Variants in CFAP300 observed in about 807,000 individuals in gnomAD.
The protein encoded by CFAP300 is cilia- and flagella-associated protein 300.
In CFAP300, 32 loss-of-function variants were observed where a neutral mutation model predicts 33.0. The observed-to-expected ratio is 0.97, with a 90% CI of 0.73 to 1.30. The LOEUF (loss-of-function observed/expected upper bound fraction) is 1.30. Among genes scored for constraint, CFAP300 ranks in the 50% most tolerant of loss-of-function variants. CFAP300 has a pLI of 0.00. For missense variants in CFAP300, 356 were observed against 318.1 expected (o/e 1.12, Z -0.90); for synonymous variants, 102 against 106.8 (o/e 0.95, Z 0.28).
intron 4 of CFAP300, among the ~76,000 whole-genome samples, chr11:102,072,535 T>C (rs1025317385): frequency 6.6e-6 from 1 of 152,140 alleles, no homozygotes; most frequent in Non-Finnish European, 1.5e-5. Flanking sequence ...ACTCTTGGGC[T>C]CAAGTGATCC....
chr11:102,059,864 G>T (rs922963567), intron 3 of CFAP300, among the ~76,000 whole-genome samples: 1 of 150,264 alleles, frequency 6.7e-6, no homozygotes, highest in African/African-American at 2.4e-5. Context: ...AGGCTGGAGT[G>T]CAGTGGTGCC....
intron 1 of CFAP300, 41 bp from the exon 2 acceptor site, chr11:102,047,774 T>G (rs762733015): frequency 6.2e-7 from 1 of 1,600,918 alleles, no homozygotes; most frequent in Non-Finnish European, 8.5e-7. Flanking sequence ...TCTGAGAGGG[T>G]GCCAGCCCCC....
At chr11:102,063,011 G>A (rs1322794479) in intron 3 of CFAP300, among the ~76,000 whole-genome samples, 4 of 152,250 alleles carry the variant, frequency 2.6e-5, no homozygotes, top group Admixed American at 2.0e-4. Context: ...AGACCCCGAA[G>A]CAATTCAGAG....
chr11:102,076,984 T>C (rs1054073462), intron 5 of CFAP300, among the ~76,000 whole-genome samples: 1 of 152,204 alleles, frequency 6.6e-6, no homozygotes, highest in African/African-American at 2.4e-5. Context: ...CACATACCTA[T>C]TAATATATCA....
chr11:102,061,854 CTG>C (rs751399563), intron 3 of CFAP300, among the ~76,000 whole-genome samples: 2 of 152,170 alleles, frequency 1.3e-5, no homozygotes, highest in Admixed American at 6.6e-5. Flanking sequence ...TAGGGAAAAA[CTG>C]TGTTCTTTCT....
chr11:102,064,774 T>C (rs1212120796), intron 3 of CFAP300, among the ~76,000 whole-genome samples: 2 of 152,142 alleles, frequency 1.3e-5, no homozygotes, highest in African/African-American at 4.8e-5. Flanking sequence ...AGTGTGTGTA[T>C]ATGTGTCTAC....
intron 5 of CFAP300, 30 bp from the exon 6 acceptor site, chr11:102,081,185 G>T: frequency 1.9e-6 from 3 of 1,554,534 alleles, no homozygotes; most frequent in Non-Finnish European, 2.6e-6. Flanking sequence ...CCTATTATAT[G>T]TTAAAAGCAC....
chr11:102,084,088 C>T lies in CFAP300; in HGVS notation c.*889C>T, dbSNP rs760755270. The stretch of plus-strand genomic sequence containing the variant: ...ATAAATTAAAACTGCAGCTGTCCCA[C>T]GGCTAATACAAGAGCTACATGTAAA... On this transcript the variant is annotated 3_prime_UTR_variant, in exon 7 of 7. Transcript: ENST00000434758. 4 of 152,282 alleles carry T rather than the reference C, an allele frequency of 2.6e-5. No individual in the cohort carries two copies. The highest frequency in any genetic ancestry group is 3.9e-4 in the East Asian group (2 of 5,190). 9.4% of individuals were successfully genotyped at this position (152,282 alleles called of 1,614,324 possible).
intron 6 of CFAP300, among the ~76,000 whole-genome samples, chr11:102,081,759 G>T (rs944425586): frequency 6.6e-6 from 1 of 151,996 alleles, no homozygotes; most frequent in Non-Finnish European, 1.5e-5. Flanking sequence ...GGGCATGGTG[G>T]CACGCGCCTG....
intron 2 of CFAP300, among the ~76,000 whole-genome samples, chr11:102,050,502 G>C (rs550300113): frequency 4.6e-5 from 7 of 152,250 alleles, no homozygotes; most frequent in East Asian, 1.9e-4. Context: ...ATGATAAATG[G>C]ATGGAAGGAA....
At chr11:102,081,313 A>G in intron 6 of CFAP300, 32 bp downstream of exon 6, 2 of 1,556,470 alleles carry the variant, frequency 1.3e-6, no homozygotes, top group South Asian at 2.2e-5. Context: ...CAACCAAAGA[A>G]TTTAATTACT....
At position 102,056,276 on chromosome 11, in the gene CFAP300, C is replaced by CA. The variant is rs574042980; in HGVS notation, c.193-2598dup. Reference sequence around the variant, plus strand: ...CACTACAAACCATACTATATTAAAACAAAAAACTCCTTATACCTAAATCTT... The same window carrying CA: ...CACTACAAACCATACTATATTAAAACAAAAAAACTCCTTATACCTAAATCTT... On this transcript the variant is annotated intron_variant, in intron 2 of 6. Coordinates refer to ENST00000434758, the MANE Select transcript of CFAP300 (RefSeq NM_032930.3). Among the ~76,000 whole-genome samples, 230 of 152,204 alleles carry CA rather than the reference C, an allele frequency of 1.5e-3. 2 individuals carry two copies. The highest frequency in any genetic ancestry group is 5.1e-3 in the African/African-American group (211 of 41,552).
At chr11:102,072,032 G>A (rs1010216085) in intron 4 of CFAP300, among the ~76,000 whole-genome samples, 7 of 152,028 alleles carry the variant, frequency 4.6e-5, no homozygotes, top group African/African-American at 1.7e-4. Flanking sequence ...TCTCTTGTTA[G>A]AATTGAAAAG....
At chr11:102,064,516 A>G (rs559925308) in intron 3 of CFAP300, among the ~76,000 whole-genome samples, 1 of 152,324 alleles carries the variant, frequency 6.6e-6, no homozygotes, top group African/African-American at 2.4e-5. Flanking sequence ...GGCATCCTTC[A>G]TGCCTCCACA....
At position 102,055,671 on chromosome 11, in the gene CFAP300, C is replaced by CTT. The variant is rs1264720064; in HGVS notation, c.193-3191_193-3190dup. Among the ~76,000 whole-genome samples, 180 of 112,568 alleles carry CTT rather than the reference C, an allele frequency of 1.6e-3. 7 individuals carry two copies. The highest frequency in any genetic ancestry group is 4.6e-3 in the African/African-American group (127 of 27,404). The allele number at this position is 112,568 out of a possible 152,430, so 73.8% of individuals were successfully genotyped here. On this transcript the variant is annotated intron_variant, in intron 2 of 6. Transcript: ENST00000434758. ...CCATATACATTACTCCTAAACTACC[C>CTT]TTTTTTTTTTTTTTTTTTTGAGACG...
chr11:102,071,790 C>G (rs1942316597), intron 4 of CFAP300, among the ~76,000 whole-genome samples: 1 of 152,132 alleles, frequency 6.6e-6, no homozygotes, highest in African/African-American at 2.4e-5. Context: ...ATCCCATCCT[C>G]TACTGGCCTG....
intron 4 of CFAP300, among the ~76,000 whole-genome samples, chr11:102,073,696 G>A (rs1007765429): frequency 3.9e-5 from 6 of 152,028 alleles, no homozygotes; most frequent in African/African-American, 1.4e-4. Context: ...CGGCTCTTGG[G>A]TTCTGGAGAG....
Position 102,047,501 on chromosome 11 carries a change from G to A in CFAP300, c.31G>A (p.Gly11Ser). 1 of 1,535,990 alleles carries A rather than the reference G, an allele frequency of 6.5e-7. No individual in the cohort carries two copies. ...TACTGGGGAGCTCGGGGACTTGGGT[G>A]GCTACTACTTCAGGTTCTTGCCTCA... MATGELGDLG[G>S]YYFRFLPQKT... is the part of the protein sequence containing the mutation. Residue 11 changes from glycine to serine, a missense_variant, in exon 1 of 7, where the codon GGC becomes AGC. Physicochemically the swap from Gly to Ser is moderately conservative, Grantham distance 56 (BLOSUM62 0). Transcript: ENST00000434758.
chr11:102,049,322 T>C (rs1941934362), intron 2 of CFAP300, among the ~76,000 whole-genome samples: 1 of 152,232 alleles, frequency 6.6e-6, no homozygotes, highest in South Asian at 2.1e-4. Flanking sequence ...GCCTTTTCCC[T>C]TCATATGTCT....
Sources: gnomAD v4.1 joint callset for allele counts (sites outside exome capture counted in the v4.1 genomes callset) on GRCh38, gnomAD v4.1.1 for gene constraint, MANE v1.5 for transcripts, NCBI Gene and HGNC (gene_info 2026-07-23, HGNC 2026-07-21) for gene names.